RGS3: variants seen among roughly 807,000 people sequenced by gnomAD.
RGS3 encodes the protein regulator of G-protein signalling 3.
In RGS3, 80 loss-of-function variants were observed where a neutral mutation model predicts 132.6. The ratio of observed to expected loss-of-function variants is 0.60; its 90% CI spans 0.50 to 0.73. RGS3 has a LOEUF of 0.73. Among genes scored for constraint, RGS3 ranks in the 30% least tolerant of loss-of-function variants. The pLI is 0.00. For missense variants in RGS3, 1,382 were observed against 1,530.8 expected (o/e 0.90, Z 1.62); for synonymous variants, 598 against 620.6 (o/e 0.96, Z 0.54).
Position 113,463,662 on chromosome 9 carries a change from G to A in RGS3, c.415+1461G>A. ...AAACCCGCGCGGGCCAATCAGGGCCGGGCGCGCCCTGGCCGTTCCAACGCT... is the reference window on the plus strand; with the variant it reads ...AAACCCGCGCGGGCCAATCAGGGCCAGGCGCGCCCTGGCCGTTCCAACGCT... On this transcript the variant is annotated intron_variant, in intron 3 of 24. Coordinates refer to ENST00000350696, the Ensembl canonical transcript of RGS3. The surrounding 1 kb of genome is among the most constrained non-coding windows in gnomAD (Gnocchi z 4.6). 7.6e-7 allele frequency: 1 copy of A among 1,311,414 alleles called. No homozygotes were observed. The allele number at this position is 1,311,414 out of a possible 1,614,324, so 81.2% of individuals were successfully genotyped here. A position where few individuals can be genotyped will look rare whatever the true frequency, so the allele number is the denominator to read the frequency against.
intron 7 of RGS3, among the ~76,000 whole-genome samples, chr9:113,495,403 C>T (rs908216589): frequency 6.6e-6 from 1 of 152,212 alleles, no homozygotes; most frequent in African/African-American, 2.4e-5. Context: ...GGTCCCATAA[C>T]TGTTCTCCTC....
chr9:113,482,810 T>C (rs1830206656), intron 4 of RGS3: 5 of 731,258 alleles, frequency 6.8e-6, no homozygotes, highest in South Asian at 2.1e-5. Flanking sequence ...CGTAATGCAT[T>C]GGTGAGGGTG....
At chr9:113,525,552 A>G (rs1832163213) in intron 17 of RGS3, among the ~76,000 whole-genome samples, 1 of 152,198 alleles carries the variant, frequency 6.6e-6, no homozygotes, top group African/African-American at 2.4e-5. Context: ...TCTCTGATTA[A>G]TATTGCTCAT....
intron 9 of RGS3, 86 bp from the exon 8 acceptor site, chr9:113,497,939 T>G: frequency 7.1e-7 from 1 of 1,405,336 alleles, no homozygotes. Flanking sequence ...ATGGGCCTGT[T>G]TCCCAGTGCT....
chr9:113,480,975 A>G (rs1246393380), intron 4 of RGS3, among the ~76,000 whole-genome samples: 1 of 152,124 alleles, frequency 6.6e-6, no homozygotes, highest in African/African-American at 2.4e-5. Context: ...ATCCAGTTAC[A>G]TGCACTCCCT....
At chr9:113,490,095 A>T (rs924967990) in intron 7 of RGS3, among the ~76,000 whole-genome samples, 3 of 152,206 alleles carry the variant, frequency 2.0e-5, no homozygotes, top group African/African-American at 4.8e-5. Context: ...GACTAGCTGT[A>T]TGACCATGGG....
At chr9:113,501,289 G>A (rs1241463176) in intron 10 of RGS3, 9 of 659,414 alleles carry the variant, frequency 1.4e-5, no homozygotes, top group Non-Finnish European at 1.9e-5. Context: ...GAACAAAGGC[G>A]CCCTCTCCCC....
rs777123436 is a variant in RGS3 at position 113,514,699 on chromosome 9, G to C, written c.1674+45G>C. 28 of 1,586,708 alleles carry C rather than the reference G, an allele frequency of 1.8e-5. No individual in the cohort carries two copies. The South Asian group carries it at 3.1e-4, about 18-fold the overall frequency. On this transcript the variant is annotated intron_variant, in intron 15 of 24. Transcript: ENST00000350696. ...TAAAGGTTCCCTCAGGAGGAACGGA[G>C]AAAGAGGAGGGCCCTTGCCCCAGGA...
exon 1 of RGS3, chr9:113,444,918 G>C (rs1048493272): frequency 2.0e-5 from 3 of 152,342 alleles, no homozygotes; most frequent in African/African-American, 4.8e-5. Context: ...TCTGAGAGAG[G>C]AGGAGCCAGG....
intron 19 of RGS3, among the ~76,000 whole-genome samples, chr9:113,558,653 C>G (rs1050272246): frequency 6.6e-6 from 1 of 152,144 alleles, no homozygotes; most frequent in Admixed American, 6.5e-5. Flanking sequence ...TCTCATGAAA[C>G]AAAGCCATTT....
intron 7 of RGS3, among the ~76,000 whole-genome samples, chr9:113,486,748 A>T (rs994604617): frequency 1.3e-5 from 2 of 152,366 alleles, no homozygotes; most frequent in African/African-American, 4.8e-5. Context: ...TTTTGGGTTC[A>T]ATGCTCTTTA....
chr9:113,468,892 C>G (rs566163860), intron 3 of RGS3, among the ~76,000 whole-genome samples: 1 of 152,110 alleles, frequency 6.6e-6, no homozygotes, highest in African/African-American at 2.4e-5. Flanking sequence ...ATGCCAGCCC[C>G]CTATGAACCT....
chr9:113,499,547 C>T (rs567366858), intron 10 of RGS3, among the ~76,000 whole-genome samples: 6 of 152,364 alleles, frequency 3.9e-5, no homozygotes, highest in East Asian at 3.8e-4. Flanking sequence ...TACACAATAT[C>T]GGCGTATTAC....
chr9:113,501,661 T>TG (rs1342509689), intron 10 of RGS3: 4 of 1,550,958 alleles, frequency 2.6e-6, no homozygotes, highest in Non-Finnish European at 3.5e-6. Flanking sequence ...GGGGAGCCTG[T>TG]GGGGTGTTCA....
intron 19 of RGS3, among the ~76,000 whole-genome samples, chr9:113,567,547 C>G (rs558216899): frequency 6.6e-6 from 1 of 152,340 alleles, no homozygotes; most frequent in South Asian, 2.1e-4. Context: ...CGGGGAGCCC[C>G]TTTAGGAGAG....
At chr9:113,541,472 C>A in intron 19 of RGS3, 1 of 1,603,066 alleles carries the variant, frequency 6.2e-7, no homozygotes, top group South Asian at 1.1e-5. Context: ...TTAACCCTTT[C>A]TTGGGCATCC....
chr9:113,595,290 C>T (rs1159694700), intron 23 of RGS3, among the ~76,000 whole-genome samples: 1 of 152,222 alleles, frequency 6.6e-6, no homozygotes, highest in Non-Finnish European at 1.5e-5. Context: ...TTTCACGGCG[C>T]CAAATGTGCC....
exon 19 of RGS3, chr9:113,536,825 G>T (rs756378435): frequency 1.9e-6 from 3 of 1,613,982 alleles, no homozygotes; most frequent in Non-Finnish European, 1.7e-6. Flanking sequence ...CTTTGGAAGC[G>T]CACTCGCAGG....
In RGS3 at chr9:113,591,351, G is replaced by C; in HGVS notation, c.3034G>C (p.Val1012Leu). Residue 1012 changes from valine (V) to leucine (L), a missense_variant, in exon 21 of 25, where the codon GTT becomes CTT. By Grantham distance (32) the Val-to-Leu change is conservative. Coordinates refer to ENST00000350696, the Ensembl canonical transcript of RGS3. This position sits in a 1 kb window ranked among gnomAD's most constrained non-coding sequence, Gnocchi z 4.4. ...TCCGCAGATGAGCGGGGCTGACACC[G>C]TTGGGGATGATGACGAAGCCTCCCG... The C allele has an allele frequency of 6.2e-7, 1 of 1,613,718 alleles. No individual in the cohort carries two copies. The highest frequency in any genetic ancestry group is 1.3e-5 in the African/African-American group (1 of 75,042).
Sources: allele counts gnomAD v4.1 joint callset (sites outside exome capture counted in the v4.1 genomes callset), GRCh38; gene constraint gnomAD v4.1.1; non-coding constraint Gnocchi (gnomAD v3.1); transcripts MANE v1.5; gene names NCBI Gene and HGNC (gene_info 2026-07-23, HGNC 2026-07-21).